The following DENND5B variants were observed in gnomAD, a reference collection of about 807,000 sequenced individuals.
DENND5B encodes DENN domain-containing protein 5B.
Under a neutral mutation model 140.6 loss-of-function variants are expected in DENND5B, and 34 were observed. That is an observed-to-expected ratio of 0.24 (90% CI 0.18 to 0.32). The LOEUF is 0.32. DENND5B is among the 10% of genes least tolerant of loss of function. The pLI is 1.00. For synonymous variants in DENND5B, 551 were observed against 562.1 expected (o/e 0.98, Z 0.28); for missense variants, 1,142 against 1,560.2 (o/e 0.73, Z 4.52).
intron 1 of DENND5B, among the ~76,000 whole-genome samples, chr12:31,527,831 A>G (rs530384966): frequency 1.3e-5 from 2 of 152,324 alleles, no homozygotes; most frequent in East Asian, 3.9e-4. Flanking sequence ...TTTATGCAAC[A>G]TCACCTATAT....
intron 3 of DENND5B, among the ~76,000 whole-genome samples, chr12:31,468,669 G>A (rs113413949): frequency 0.11 from 16,298 of 151,624 alleles, 990 homozygotes; most frequent in East Asian, 0.25. Context: ...AAATTAGCCA[G>A]GCATGGTGGC....
At chr12:31,461,571 C>T (rs1327092645) in intron 3 of DENND5B, among the ~76,000 whole-genome samples, 2 of 152,062 alleles carry the variant, frequency 1.3e-5, no homozygotes, top group African/African-American at 2.4e-5. Context: ...GTGCATATAC[C>T]ACATATATGA....
Position 31,382,251 on chromosome 12 carries a change from A to G in DENND5B, c.*5352T>C, listed in dbSNP as rs1205097024. 2 of 152,204 alleles carry G rather than the reference A, an allele frequency of 1.3e-5. No homozygotes were observed. The highest frequency in any genetic ancestry group is 2.4e-5 in the African/African-American group (1 of 41,466). The allele number at this position is 152,204 out of a possible 1,614,324, so 9.4% of individuals were successfully genotyped here. On this transcript the variant is annotated 3_prime_UTR_variant, in exon 21 of 21. Coordinates refer to ENST00000389082, the MANE Select transcript of DENND5B (RefSeq NM_144973.4). ...TATCAATCCCACAGTTTTATTTGTA[A>G]AGAACAAAGCATGAAAAGTCATATT... is the stretch of plus-strand genomic sequence containing the variant.
chr12:31,397,320 G>A (rs1316873861), intron 17 of DENND5B, among the ~76,000 whole-genome samples: 2 of 151,922 alleles, frequency 1.3e-5, no homozygotes, highest in South Asian at 2.1e-4. Flanking sequence ...AAGCTAAGGC[G>A]GGTGGATCTC....
At chr12:31,403,692 T>A (rs1941950811) in intron 14 of DENND5B, among the ~76,000 whole-genome samples, 1 of 150,748 alleles carries the variant, frequency 6.6e-6, no homozygotes, top group Admixed American at 6.6e-5. Context: ...GGTCAGGAGC[T>A]TGAGACCAGG....
intron 2 of DENND5B, among the ~76,000 whole-genome samples, chr12:31,495,389 C>CTTTTTTTTTTTTTTT (rs149645342): frequency 1.5e-5 from 2 of 136,206 alleles, no homozygotes; most frequent in African/African-American, 5.5e-5. Flanking sequence ...CTTTTTTTTT[C>CTTTTTTTTTTTTTTT]TTTTTTTGAG....
At chr12:31,424,470 C>A in intron 10 of DENND5B, 65 bp downstream of exon 10, 1 of 1,483,380 alleles carries the variant, frequency 6.7e-7, no homozygotes. Context: ...ATATTTGTCT[C>A]CTTGTTACAT....
chr12:31,545,756 C>T (rs1336747471), intron 1 of DENND5B, among the ~76,000 whole-genome samples: 1 of 151,868 alleles, frequency 6.6e-6, no homozygotes, highest in Non-Finnish European at 1.5e-5. Flanking sequence ...GAGTTTGACA[C>T]CAGCCTGGGC....
rs574786995 is a variant in DENND5B at position 31,447,523 on chromosome 12, G to C, written c.1861+15C>G. The C allele has an allele frequency of 1.3e-6, 2 of 1,584,448 alleles. No individual in the cohort carries two copies. The highest frequency in any genetic ancestry group is 2.3e-5 in the South Asian group (2 of 87,850). ...AATGGATTTTAATTTAATTTAAAAG[G>C]CATGGCAAATGTACCTGCTTCTTTT... On this transcript the variant is annotated intron_variant, in intron 6 of 20. Coordinates refer to ENST00000389082, the MANE Select transcript of DENND5B (RefSeq NM_144973.4).
At chr12:31,543,173 A>C (rs942824900) in intron 1 of DENND5B, among the ~76,000 whole-genome samples, 4 of 152,104 alleles carry the variant, frequency 2.6e-5, no homozygotes, top group African/African-American at 9.7e-5. Flanking sequence ...GGGCCACTGC[A>C]CTCCAGCTTT....
At chr12:31,536,341 A>G (rs1320898839) in intron 1 of DENND5B, among the ~76,000 whole-genome samples, 1 of 152,234 alleles carries the variant, frequency 6.6e-6, no homozygotes, top group Non-Finnish European at 1.5e-5. Flanking sequence ...GAAGGAGTTC[A>G]GAATTCTATC....
chr12:31,515,223 T>G (rs1051797129), intron 1 of DENND5B, among the ~76,000 whole-genome samples: 2 of 152,210 alleles, frequency 1.3e-5, no homozygotes, highest in Non-Finnish European at 2.9e-5. Context: ...AAGGATCACA[T>G]GAGCCCATAA....
At chr12:31,452,921 C>T (rs1358877356) in intron 4 of DENND5B, among the ~76,000 whole-genome samples, 1 of 152,060 alleles carries the variant, frequency 6.6e-6, no homozygotes, top group East Asian at 1.9e-4. Context: ...GGTAAGCGTG[C>T]CCAGACTCAT....
intron 1 of DENND5B, among the ~76,000 whole-genome samples, chr12:31,531,520 T>C (rs1321506755): frequency 3.3e-5 from 5 of 152,246 alleles, no homozygotes; most frequent in Non-Finnish European, 5.9e-5. Flanking sequence ...TTAACTCATT[T>C]AATTCACATA....
intron 1 of DENND5B, among the ~76,000 whole-genome samples, chr12:31,524,254 T>C (rs1346306646): frequency 1.3e-5 from 2 of 152,202 alleles, no homozygotes; most frequent in African/African-American, 4.8e-5. Context: ...TGGGCTTGCC[T>C]TGTGACCAGC....
At chr12:31,427,718 A>C (rs1163355405) in intron 8 of DENND5B, among the ~76,000 whole-genome samples, 1 of 152,180 alleles carries the variant, frequency 6.6e-6, no homozygotes, top group Non-Finnish European at 1.5e-5. Flanking sequence ...ACTGCTCTAC[A>C]TTATATAGTA....
intron 6 of DENND5B, among the ~76,000 whole-genome samples, chr12:31,446,363 G>A (rs1387609268): frequency 2.0e-5 from 3 of 152,052 alleles, no homozygotes; most frequent in Admixed American, 2.0e-4. Context: ...CGGCCAGGCT[G>A]GTCTTGAACT....
rs1013606242 is a variant in DENND5B, at chr12:31,447,618, T to C, written c.1781A>G (p.Asp594Gly). Residue 594 changes from aspartate (D) to glycine (G), a missense_variant, in exon 6 of 21, where the codon GAT (aspartate) becomes GGT (glycine). Physicochemically the swap from Asp to Gly is moderately conservative, Grantham distance 94. This residue lies in a region of DENND5B where 708 missense variants were observed against 905.5 expected (regional missense o/e 0.78). Transcript: ENST00000389082. ...CCTTACATTATACAGCCTTATCTTA[T>C]CAATCCGAGTGTCAAAGACCCGAAG... ...PLLRVFDTRI[D>G]KIRLYNVRAP... 3 of 1,613,836 alleles carry C rather than the reference T, an allele frequency of 1.9e-6. No individual in the cohort carries two copies. The highest frequency in any genetic ancestry group is 2.5e-6 in the Non-Finnish European group (3 of 1,179,900).
intron 1 of DENND5B, among the ~76,000 whole-genome samples, chr12:31,531,263 A>C (rs1331194038): frequency 1.3e-5 from 2 of 151,856 alleles, no homozygotes; most frequent in Non-Finnish European, 2.9e-5. Flanking sequence ...GCAATGGCGC[A>C]GTCTCGGCTC....
Sources: allele counts gnomAD v4.1 joint callset (sites outside exome capture counted in the v4.1 genomes callset), GRCh38; gene constraint gnomAD v4.1.1; regional missense constraint gnomAD v4.1.1; transcripts MANE v1.5; gene names NCBI Gene and HGNC (gene_info 2026-07-23, HGNC 2026-07-21).